Variants in ZNF451 observed in about 807,000 individuals in gnomAD.
ZNF451 encodes zinc finger protein 451, also known as E3 SUMO-protein ligase ZNF451.
Under a neutral mutation model 107.1 loss-of-function variants are expected in ZNF451, and 80 were observed. The observed-to-expected ratio is 0.75, with a 90% CI of 0.62 to 0.90. ZNF451 has a LOEUF of 0.90. Ranked by LOEUF, ZNF451 falls within the 40% of genes least tolerant of loss-of-function variation. The pLI is 0.00. For synonymous variants in ZNF451, 362 were observed against 406.5 expected (o/e 0.89, Z 1.32); for missense variants, 1,107 against 1,236.2 (o/e 0.90, Z 1.57).
chr6:57,141,178 T>C, intron 7 of ZNF451, 124 bp from the exon 8 acceptor site: 1 of 757,304 alleles, frequency 1.3e-6, no homozygotes, highest in Non-Finnish European at 1.9e-6. Context: ...AAGAACATCT[T>C]TCATGTTAAA....
Position 57,101,412 on chromosome 6 carries a change from C to T in ZNF451, c.186+2271C>T, listed in dbSNP as rs559675222. 636 of 1,550,676 alleles carry T rather than the reference C, an allele frequency of 4.1e-4. 6 individuals carry two copies. In the Middle Eastern group the frequency reaches 9.3e-3, roughly 23 times the overall value. On this transcript the variant is annotated intron_variant, in intron 3 of 14. Coordinates refer to ENST00000370706, the MANE Select transcript of ZNF451 (RefSeq NM_001031623.3). ...TGGGACACAGGGTATATCCTGTGGC[C>T]AAGGACACCTCTCCTTTCCAACCAA...
intron 3 of ZNF451, chr6:57,104,373 T>G: frequency 1.0e-6 from 1 of 985,450 alleles, no homozygotes; most frequent in Non-Finnish European, 1.2e-6. Flanking sequence ...TGGCTGCACA[T>G]AAGTGTTTCT....
At chr6:57,141,559 T>C (rs1360903736) in intron 8 of ZNF451, 104 bp downstream of exon 8, 42 of 1,067,790 alleles carry the variant, frequency 3.9e-5, no homozygotes, top group Non-Finnish European at 5.4e-5. Context: ...CATCTTAGTT[T>C]TAGAACTATG....
At chr6:57,138,725 A>ATGTGTG (rs1256642481) in intron 7 of ZNF451, among the ~76,000 whole-genome samples, 20 of 116,370 alleles carry the variant, frequency 1.7e-4, no homozygotes, top group Non-Finnish European at 3.0e-4. Flanking sequence ...ATATATATAT[A>ATGTGTG]TATATATATA....
At chr6:57,137,294 T>A (rs373343346) in intron 7 of ZNF451, among the ~76,000 whole-genome samples, 2 of 152,330 alleles carry the variant, frequency 1.3e-5, no homozygotes, top group South Asian at 2.1e-4. Flanking sequence ...CAGTCCCCAA[T>A]GGAAAAAAGT....
Position 57,128,690 on chromosome 6 carries a change from G to GGTA in ZNF451, c.313-35_313-33dup, listed in dbSNP as rs758792107. On this transcript the variant is annotated intron_variant, in intron 4 of 14. Transcript: ENST00000370706. The stretch of plus-strand genomic sequence containing the variant: ...AAAATCCTTTTCTCAAGGAAAACAG[G>GGTA]GTAGTAATCTTAATTGAGTTTTTTC... The GGTA allele has an allele frequency of 1.7e-5, 24 of 1,385,840 alleles. No individual in the cohort carries two copies. In the East Asian group the frequency reaches 5.3e-4, roughly 31 times the overall value. 85.8% of individuals were successfully genotyped at this position (1,385,840 alleles called of 1,614,324 possible).
intron 3 of ZNF451, chr6:57,103,955 AC>A (rs1829725670): frequency 2.0e-6 from 2 of 985,022 alleles, no homozygotes; most frequent in South Asian, 9.4e-5. Context: ...GGAAGAAATT[AC>A]TTTATCAGTT....
chr6:57,117,338 T>TC (rs397780971), intron 3 of ZNF451, among the ~76,000 whole-genome samples: 1 of 151,298 alleles, frequency 6.6e-6, no homozygotes, highest in African/African-American at 2.4e-5. Flanking sequence ...TTTTTTTTTT[T>TC]CCAGATTTTT....
intron 3 of ZNF451, chr6:57,108,466 T>C: frequency 1.0e-6 from 1 of 985,404 alleles, no homozygotes; most frequent in Non-Finnish European, 1.2e-6. Context: ...AACAGTGATG[T>C]GGATGATGAA....
At chr6:57,143,470 T>A (rs566188344) in intron 9 of ZNF451, among the ~76,000 whole-genome samples, 1 of 152,348 alleles carries the variant, frequency 6.6e-6, no homozygotes, top group East Asian at 1.9e-4. Flanking sequence ...ACTTTGAGTT[T>A]AATTTGCTTA....
At chr6:57,153,292 TC>T (rs1475682822) in intron 12 of ZNF451, among the ~76,000 whole-genome samples, 1 of 152,240 alleles carries the variant, frequency 6.6e-6, no homozygotes, top group Non-Finnish European at 1.5e-5. Flanking sequence ...CTGTTGGACT[TC>T]CATTTTGGCT....
chr6:57,147,942 A>G lies in ZNF451; in HGVS notation c.1857A>G (p.Glu619=), dbSNP rs779704698. ...GTGAAGATATGTTTGATTCCCAGGAATATGTAAAACAGCACTGCATGTCTT... is the reference window on the plus strand; with the variant it reads ...GTGAAGATATGTTTGATTCCCAGGAGTATGTAAAACAGCACTGCATGTCTT... The part of the protein sequence containing the change: ...RICEDMFDSQ[E]YVKQHCMSLA... Residue 619 remains glutamate, a synonymous_variant, in exon 10 of 15, where the codon GAA becomes GAG. Coordinates refer to ENST00000370706, the MANE Select transcript of ZNF451 (RefSeq NM_001031623.3). 1.2e-6 allele frequency: 2 copies of G among 1,614,166 alleles called. No individual in the cohort carries two copies. Among genetic ancestry groups the G allele is most frequent in the Admixed American group, 1.7e-5 (1 of 60,028 alleles).
rs905381945 is a variant in ZNF451, at chr6:57,108,223, T to C, written c.186+9082T>C. 5 of 985,362 alleles carry C rather than the reference T, an allele frequency of 5.1e-6. No individual in the cohort carries two copies. In the East Asian group the frequency reaches 4.5e-4, roughly 89 times the overall value. 61.0% of individuals were successfully genotyped at this position (985,362 alleles called of 1,614,324 possible). ...TCAGTTAGTAGTCCTTTTGTAAGAC[T>C]AACTTTCATATGCTATCTTTGCTCC... On this transcript the variant is annotated intron_variant, in intron 3 of 14. Coordinates refer to ENST00000370706, the MANE Select transcript of ZNF451 (RefSeq NM_001031623.3).
chr6:57,147,994 A>G lies in ZNF451; in HGVS notation c.1909A>G (p.Ser637Gly), dbSNP rs1832159227. ...SLASHKFHRYSCAHCRKPFHK... is the reference protein window; with the variant it reads ...SLASHKFHRYGCAHCRKPFHK... ...GGCAAGCCACAAGTTTCATAGATAC[A>G]GCTGTGCTCACTGCAGAAAGCCTTT... Residue 637 changes from serine (S) to glycine (G), a missense_variant, in exon 10 of 15, where the codon AGC becomes GGC. Ser to Gly is a moderately conservative substitution (Grantham distance 56). Around this residue, in one of 5 missense-constraint regions of ZNF451, gnomAD observed 608 missense variants for 649.2 expected, o/e 0.94. Coordinates refer to ENST00000370706, the MANE Select transcript of ZNF451 (RefSeq NM_001031623.3). The G allele has an allele frequency of 3.1e-6, 5 of 1,614,170 alleles. No individual in the cohort carries two copies. The highest frequency in any genetic ancestry group is 4.2e-6 in the Non-Finnish European group (5 of 1,179,984).
Position 57,161,017 on chromosome 6 carries a change from T to A in ZNF451, c.3071-67T>A, listed in dbSNP as rs1413376819. ...AGTAAGCTTGGGTATGAGCAGTTAT[T>A]GAAAATAATATTGAGAATACATAAA... On this transcript the variant is annotated intron_variant, in intron 13 of 14. Transcript: ENST00000370706. The A allele has an allele frequency of 8.7e-6, 9 of 1,030,158 alleles. No individual in the cohort carries two copies. The South Asian group carries it at 1.5e-4, about 17-fold the overall frequency. The allele number at this position is 1,030,158 out of a possible 1,614,324, so 63.8% of individuals were successfully genotyped here.
At chr6:57,142,890 G>T (rs764236979) in intron 9 of ZNF451, among the ~76,000 whole-genome samples, 7 of 152,016 alleles carry the variant, frequency 4.6e-5, no homozygotes, top group Admixed American at 2.0e-4. Flanking sequence ...AGCTATTCTT[G>T]TGTCTCATTT....
chr6:57,105,436 A>G, intron 3 of ZNF451: 1 of 985,358 alleles, frequency 1.0e-6, no homozygotes, highest in Non-Finnish European at 1.2e-6. Flanking sequence ...GATGTCTTGC[A>G]TATATTGCTG....
intron 3 of ZNF451, chr6:57,107,576 C>A: frequency 2.0e-6 from 2 of 985,066 alleles, no homozygotes; most frequent in Non-Finnish European, 2.4e-6. Flanking sequence ...TGAAGCCCAT[C>A]CCCATGGATT....
chr6:57,109,789 A>G, intron 3 of ZNF451: 1 of 830,038 alleles, frequency 1.2e-6, no homozygotes, highest in Non-Finnish European at 1.5e-6. Flanking sequence ...ATGAGGAGTT[A>G]GAGTGTATAT....
Sources: allele counts gnomAD v4.1 joint callset (sites outside exome capture counted in the v4.1 genomes callset), GRCh38; gene constraint gnomAD v4.1.1; regional missense constraint gnomAD v4.1.1; transcripts MANE v1.5; gene names NCBI Gene and HGNC (gene_info 2026-07-23, HGNC 2026-07-21).